The following MAGI2 variants were observed in gnomAD, a reference collection of about 807,000 sequenced individuals.
The protein encoded by MAGI2 is membrane associated guanylate kinase, WW and PDZ domain containing 2.
Under a neutral mutation model 133.3 loss-of-function variants are expected in MAGI2, and 35 were observed. That is an observed-to-expected ratio of 0.26 (90% CI 0.20 to 0.35). The LOEUF (loss-of-function observed/expected upper bound fraction) is 0.35. Ranked by LOEUF, MAGI2 falls within the 10% of genes least tolerant of loss-of-function variation. The pLI is 1.00. For synonymous variants in MAGI2, 729 were observed against 710.6 expected (o/e 1.03, Z -0.41); for missense variants, 1,636 against 1,863.4 (o/e 0.88, Z 2.25).
At chr7:78,433,295 A>C (rs1799969450) in intron 6 of MAGI2, among the ~76,000 whole-genome samples, 1 of 152,080 alleles carries the variant, frequency 6.6e-6, no homozygotes, top group Non-Finnish European at 1.5e-5. Flanking sequence ...ATGAGTGGCT[A>C]TTAAGTGTGT....
chr7:78,663,677 G>A (rs998400544), intron 2 of MAGI2, among the ~76,000 whole-genome samples: 17 of 152,108 alleles, frequency 1.1e-4, no homozygotes, highest in African/African-American at 3.6e-4. Context: ...CCATGTCAAT[G>A]GGTAAATTTC....
At chr7:79,326,590 A>G (rs780132365) in intron 1 of MAGI2, among the ~76,000 whole-genome samples, 56 of 152,312 alleles carry the variant, frequency 3.7e-4, no homozygotes, top group Non-Finnish European at 6.3e-4. Flanking sequence ...TGTAGTGATA[A>G]TACGCCTTGG....
At chr7:79,041,837 T>C (rs1216224084) in intron 1 of MAGI2, among the ~76,000 whole-genome samples, 2 of 152,130 alleles carry the variant, frequency 1.3e-5, no homozygotes, top group East Asian at 3.8e-4. Flanking sequence ...CTCAATATTA[T>C]ACCATGGACA....
At chr7:78,922,687 T>G (rs1263456623) in intron 2 of MAGI2, among the ~76,000 whole-genome samples, 1 of 152,184 alleles carries the variant, frequency 6.6e-6, no homozygotes, top group Non-Finnish European at 1.5e-5. Context: ...GCATGATTTA[T>G]AGTCCTTTGG....
chr7:78,120,408 A>C (rs944938939), intron 20 of MAGI2, among the ~76,000 whole-genome samples: 1 of 152,158 alleles, frequency 6.6e-6, no homozygotes, highest in Non-Finnish European at 1.5e-5. Flanking sequence ...GTCTCAAAAC[A>C]AAAACAAAAA....
chr7:78,479,567 T>A (rs1442402552), intron 6 of MAGI2, among the ~76,000 whole-genome samples: 1 of 151,858 alleles, frequency 6.6e-6, no homozygotes, highest in East Asian at 1.9e-4. Flanking sequence ...TGGGAAGAGC[T>A]CTGCAAGCTA....
In MAGI2 at chr7:78,988,323, A is replaced by G. The variant is rs139786492; in HGVS notation, c.418+18767T>C. On this transcript the variant is annotated intron_variant, in intron 2 of 21. Transcript: ENST00000354212. Reference sequence around the variant, plus strand: ...TCATAATTGAGATTTGATTATTTTCAAGAAATTAAACCCAACCCAAACCAT... The same window carrying G: ...TCATAATTGAGATTTGATTATTTTCGAGAAATTAAACCCAACCCAAACCAT... Among the ~76,000 whole-genome samples, 75 of 152,212 alleles carry G rather than the reference A, an allele frequency of 4.9e-4. 1 individual carries two copies. In the East Asian group the frequency reaches 0.013, roughly 26 times the overall value.
intron 2 of MAGI2, among the ~76,000 whole-genome samples, chr7:78,849,794 G>A (rs1390607395): frequency 1.3e-5 from 2 of 151,970 alleles, no homozygotes; most frequent in African/African-American, 4.8e-5. Flanking sequence ...TTGGGGAGTG[G>A]TATATAGACA....
intron 1 of MAGI2, among the ~76,000 whole-genome samples, chr7:79,161,154 A>T (rs1217961941): frequency 6.6e-6 from 1 of 152,068 alleles, no homozygotes; most frequent in Non-Finnish European, 1.5e-5. Context: ...CTTTACCTAA[A>T]TGTCTTATGA....
chr7:78,446,573 A>G (rs1454972315), intron 6 of MAGI2, among the ~76,000 whole-genome samples: 1 of 152,080 alleles, frequency 6.6e-6, no homozygotes, highest in Non-Finnish European at 1.5e-5. Flanking sequence ...GTATCAATTA[A>G]AGGAACTCTA....
intron 2 of MAGI2, among the ~76,000 whole-genome samples, chr7:78,997,605 T>TAA (rs746487330): frequency 1.9e-3 from 233 of 119,530 alleles, no homozygotes; most frequent in African/African-American, 6.7e-3. Context: ...CCATCTCAAT[T>TAA]AAAAAAAAAA....
intron 1 of MAGI2, among the ~76,000 whole-genome samples, chr7:79,178,857 G>C (rs1826360466): frequency 6.6e-6 from 1 of 151,902 alleles, no homozygotes; most frequent in Non-Finnish European, 1.5e-5. Flanking sequence ...TATAGCAAAA[G>C]TTTGCCATAA....
At chr7:78,932,543 A>G (rs1800217795) in intron 2 of MAGI2, among the ~76,000 whole-genome samples, 1 of 152,132 alleles carries the variant, frequency 6.6e-6, no homozygotes, top group African/African-American at 2.4e-5. Flanking sequence ...AGCTAAAATT[A>G]AGGTCTCAAT....
chr7:78,760,412 G>A (rs1824390244), intron 2 of MAGI2, among the ~76,000 whole-genome samples: 1 of 147,898 alleles, frequency 6.8e-6, no homozygotes, highest in African/African-American at 2.5e-5. Context: ...GCCCAGGCTG[G>A]AGTGCAATGG....
At chr7:79,055,495 T>C (rs142345170) in intron 1 of MAGI2, among the ~76,000 whole-genome samples, 3 of 152,136 alleles carry the variant, frequency 2.0e-5, no homozygotes, top group African/African-American at 7.2e-5. Flanking sequence ...CCTAATGACA[T>C]AGATGTTAAC....
At chr7:78,405,706 TA>T (rs1490360437) in intron 6 of MAGI2, among the ~76,000 whole-genome samples, 1 of 152,044 alleles carries the variant, frequency 6.6e-6, no homozygotes, top group Non-Finnish European at 1.5e-5. Context: ...TTAATACACT[TA>T]AAATAATAGA....
At chr7:79,156,880 A>G (rs889436151) in intron 1 of MAGI2, among the ~76,000 whole-genome samples, 2 of 152,092 alleles carry the variant, frequency 1.3e-5, no homozygotes, top group African/African-American at 4.8e-5. Flanking sequence ...CAGAACCCCA[A>G]AGAAGTTGCC....
intron 15 of MAGI2, among the ~76,000 whole-genome samples, chr7:78,167,346 T>C: frequency 6.6e-6 from 1 of 152,244 alleles, no homozygotes; most frequent in East Asian, 1.9e-4. Context: ...GATTCCTTTA[T>C]GAAGCTGAGA....
At chr7:78,980,442 A>G (rs1804677958) in intron 2 of MAGI2, among the ~76,000 whole-genome samples, 1 of 151,872 alleles carries the variant, frequency 6.6e-6, no homozygotes. Context: ...GGCCATCAGT[A>G]TCACCAGTAT....
Sources: allele counts gnomAD v4.1 joint callset (sites outside exome capture counted in the v4.1 genomes callset), GRCh38; gene constraint gnomAD v4.1.1; transcripts MANE v1.5; gene names NCBI Gene and HGNC (gene_info 2026-07-23, HGNC 2026-07-21).